The following PRKCB variants were observed in gnomAD, a reference collection of about 807,000 sequenced individuals.
PRKCB encodes the protein protein kinase C beta, also known as protein kinase C beta type.
A neutral mutation model predicts 81.5 loss-of-function variants in PRKCB; 13 were observed. That is an observed-to-expected ratio of 0.16 (90% CI 0.10 to 0.25). The LOEUF is 0.25. Among genes scored for constraint, PRKCB ranks in the 10% least tolerant of loss-of-function variants. The pLI is 1.00. For missense variants in PRKCB, 509 were observed against 875.7 expected, an observed-to-expected ratio of 0.58 and a Z score of 5.29; for synonymous variants, 335 against 321.4, an observed-to-expected ratio of 1.04 and a Z score of -0.45.
chr16:24,005,447 G>A (rs919942007), intron 3 of PRKCB, among the ~76,000 whole-genome samples: 1 of 152,208 alleles, frequency 6.6e-6, no homozygotes, highest in South Asian at 2.1e-4. Context: ...TGTTTCTGGG[G>A]CCACTCCACC....
At chr16:24,004,100 A>C (rs1567341068) in intron 3 of PRKCB, among the ~76,000 whole-genome samples, 1 of 152,236 alleles carries the variant, frequency 6.6e-6, no homozygotes, top group Non-Finnish European at 1.5e-5. Context: ...TATAGGAATA[A>C]AGATAAAAAT....
chr16:23,908,547 T>C (rs1224071669), intron 2 of PRKCB, among the ~76,000 whole-genome samples: 1 of 152,122 alleles, frequency 6.6e-6, no homozygotes, highest in Non-Finnish European at 1.5e-5. Flanking sequence ...TTCTTTTTTT[T>C]TGAGACGGAT....
chr16:24,021,205 T>TC (rs1965385458), intron 3 of PRKCB, among the ~76,000 whole-genome samples: 1 of 40,022 alleles, frequency 2.5e-5, no homozygotes, highest in Non-Finnish European at 4.6e-5. Context: ...TTTCTTTCTT[T>TC]CTTTCTTTCT....
At chr16:24,065,576 A>G (rs963367986) in intron 5 of PRKCB, among the ~76,000 whole-genome samples, 12 of 152,196 alleles carry the variant, frequency 7.9e-5, no homozygotes, top group Non-Finnish European at 1.5e-4. Flanking sequence ...ATTTACTTGG[A>G]TTTAATAATA....
intron 5 of PRKCB, among the ~76,000 whole-genome samples, chr16:24,060,136 G>A (rs1384613467): frequency 6.6e-6 from 1 of 152,202 alleles, no homozygotes; most frequent in African/African-American, 2.4e-5. Context: ...TTAAGCAGAA[G>A]CGGTCCTAGG....
chr16:23,982,022 A>C (rs1428147863), intron 2 of PRKCB, among the ~76,000 whole-genome samples: 1,594 of 11,638 alleles, frequency 0.14, no homozygotes, highest in African/African-American at 0.16. Context: ...TTTCCCTTCC[A>C]CTTCCCTTTC....
intron 9 of PRKCB, among the ~76,000 whole-genome samples, chr16:24,126,776 TCCGTTCGCCTCGG>T (rs759818023): frequency 6.6e-6 from 1 of 151,934 alleles, no homozygotes; most frequent in South Asian, 2.1e-4. Flanking sequence ...CCTCATGTGA[TCCGTTCGCCTCGG>T]CCTCCTAAAG....
chr16:24,021,087 CT>C lies in PRKCB; in HGVS notation c.289-11042del, dbSNP rs1216692460. The stretch of plus-strand genomic sequence containing the variant: ...CCCTCCCTCCCTTCTTTCTTTCTTT[CT>C]TTTTTTCTTTCTTTCTTTCCTTCTC... On this transcript the variant is annotated intron_variant, in intron 3 of 16. Coordinates refer to ENST00000643927, the MANE Select transcript of PRKCB (RefSeq NM_002738.7). 2.3e-4 allele frequency among the ~76,000 whole-genome samples: 27 copies of C among 119,904 alleles called. 4 individuals are homozygous for C. Among genetic ancestry groups the C allele is most frequent in the East Asian group, 5.2e-4 (2 of 3,874 alleles). 78.7% of individuals were successfully genotyped at this position (119,904 alleles called of 152,430 possible).
Position 24,097,403 on chromosome 16 carries a change from G to C in PRKCB, c.821+3106G>C, listed in dbSNP as rs1966459372. Among the ~76,000 whole-genome samples, 3 of 152,098 alleles carry C rather than the reference G, an allele frequency of 2.0e-5. No homozygotes were observed. In the South Asian group the frequency reaches 6.2e-4, roughly 32 times the overall value. On this transcript the variant is annotated intron_variant, in intron 7 of 16. Coordinates refer to ENST00000643927, the MANE Select transcript of PRKCB (RefSeq NM_002738.7). The stretch of plus-strand genomic sequence containing the variant: ...GTGCTGGTCACTAGAAACACATGGA[G>C]GTATAAGACAGACATGACTTCATGG...
intron 3 of PRKCB, among the ~76,000 whole-genome samples, chr16:24,019,956 T>C (rs1965337123): frequency 6.6e-6 from 1 of 152,218 alleles, no homozygotes; most frequent in African/African-American, 2.4e-5. Context: ...TAACTGTATC[T>C]GTATATTACT....
chr16:24,126,826 G>T (rs1203197455), intron 9 of PRKCB, among the ~76,000 whole-genome samples: 1 of 150,470 alleles, frequency 6.6e-6, no homozygotes, highest in Admixed American at 6.6e-5. Flanking sequence ...ATGAGCCACC[G>T]CACCTGACCT....
At chr16:24,058,044 TC>T (rs1452406390) in intron 5 of PRKCB, among the ~76,000 whole-genome samples, 1 of 152,212 alleles carries the variant, frequency 6.6e-6, no homozygotes, top group Admixed American at 6.5e-5. Flanking sequence ...CCTTGTTTGT[TC>T]TTTTCCCATG....
At chr16:23,890,078 A>G (rs1311608892) in intron 2 of PRKCB, among the ~76,000 whole-genome samples, 1 of 152,244 alleles carries the variant, frequency 6.6e-6, no homozygotes, top group East Asian at 1.9e-4. Flanking sequence ...ACATATTTTT[A>G]AAACAATAAA....
rs536790629 is a variant in PRKCB at position 24,128,640 on chromosome 16, T to C, written c.1065+4659T>C. ...TTGGCATGGCTGGCTTACTCGGAGG[T>C]AGATGCCTTCTAGGACTTTTAATAC... On this transcript the variant is annotated intron_variant, in intron 9 of 16. Coordinates refer to ENST00000643927, the MANE Select transcript of PRKCB (RefSeq NM_002738.7). Among the ~76,000 whole-genome samples, 6 of 152,300 alleles carry C rather than the reference T, an allele frequency of 3.9e-5. 1 individual carries two copies. In the South Asian group the frequency reaches 1.2e-3, roughly 32 times the overall value.
intron 16 of PRKCB, among the ~76,000 whole-genome samples, chr16:24,197,080 G>C (rs907713784): frequency 3.9e-5 from 6 of 152,182 alleles, no homozygotes; most frequent in Non-Finnish European, 7.3e-5. Flanking sequence ...CATTCAGTGG[G>C]TGATGAGGTT....
At chr16:23,846,274 CT>C (rs11343290) in intron 2 of PRKCB, among the ~76,000 whole-genome samples, 146,086 of 151,802 alleles carry the variant, frequency 0.96, 70,320 homozygotes, top group East Asian at 1. Flanking sequence ...GTTGAATATT[CT>C]TTTTTTTTAA....
chr16:24,191,171 T>G lies in PRKCB; in HGVS notation c.1804T>G (p.Tyr602Asp). 6.2e-7 allele frequency: 1 copy of G among 1,614,098 alleles called. No homozygotes were observed. Among genetic ancestry groups the G allele is most frequent in the South Asian group, 1.1e-5 (1 of 91,076 alleles). Residue 602 changes from tyrosine to aspartate, a missense_variant, in exon 16 of 17, where the codon TAT (tyrosine) becomes GAT (aspartate). Tyr to Asp is a radical substitution (Grantham distance 160). This residue lies in a region of PRKCB where 104 missense variants were observed against 160.5 expected (regional missense o/e 0.65). Transcript: ENST00000643927. ...RDIKEHAFFR[Y>D]IDWEKLERKE... ...TATCAAAGAGCATGCATTTTTCCGG[T>G]ATATTGATTGGGAGAAACTTGAACG...
At chr16:23,907,870 G>T (rs1963585983) in intron 2 of PRKCB, among the ~76,000 whole-genome samples, 2 of 152,226 alleles carry the variant, frequency 1.3e-5, no homozygotes, top group Non-Finnish European at 2.9e-5. Context: ...AGACAACAAG[G>T]CCTGGCCATG....
At chr16:23,875,478 A>AAG (rs1178086779) in intron 2 of PRKCB, among the ~76,000 whole-genome samples, 601 of 18,802 alleles carry the variant, frequency 0.032, 1 homozygote, top group South Asian at 0.14. Flanking sequence ...TTCAACTAAA[A>AAG]AGATATATAT....
Sources: gnomAD v4.1 joint callset for allele counts (sites outside exome capture counted in the v4.1 genomes callset) on GRCh38, gnomAD v4.1.1 for gene constraint, gnomAD v4.1.1 regional missense constraint, MANE v1.5 for transcripts, NCBI Gene and HGNC (gene_info 2026-07-23, HGNC 2026-07-21) for gene names.